Variants in GUCY2F observed in about 807,000 individuals in gnomAD.
GUCY2F encodes retinal guanylyl cyclase 2.
GUCY2F carries 61 observed loss-of-function variants against 73.1 expected under a neutral mutation model. The ratio of observed to expected loss-of-function variants is 0.83; its 90% CI spans 0.68 to 1.03. The LOEUF (loss-of-function observed/expected upper bound fraction) is 1.03. Ranked by LOEUF, GUCY2F falls within the 50% of genes least tolerant of loss-of-function variation. GUCY2F has a pLI of 0.00. For missense variants in GUCY2F, 912 were observed against 854.3 expected (o/e 1.07, Z -0.84); for synonymous variants, 331 against 307.8 (o/e 1.08, Z -0.79).
At chrX:109,401,310 T>A in intron 10 of GUCY2F, among the ~76,000 whole-genome samples, 1 of 111,727 alleles carries the variant, frequency 9.0e-6, no homozygotes, top group Non-Finnish European at 1.9e-5. Context: ...GTGATAGAAT[T>A]GACTTTGGAG....
chrX:109,422,500 T>C (rs1569364070), intron 8 of GUCY2F, among the ~76,000 whole-genome samples: 3 of 111,827 alleles, frequency 2.7e-5, no homozygotes, highest in African/African-American at 9.7e-5. Context: ...TTAACACTAC[T>C]TAACTGTACA....
At chrX:109,421,810 ACT>A (rs1345934188) in intron 8 of GUCY2F, among the ~76,000 whole-genome samples, 1 of 111,449 alleles carries the variant, frequency 9.0e-6, no homozygotes, top group African/African-American at 3.2e-5. Context: ...GTCAAAAAAA[ACT>A]CTTCTAAAAA....
chrX:109,449,689 A>C (rs1458476299), intron 5 of GUCY2F, among the ~76,000 whole-genome samples: 4 of 112,055 alleles, frequency 3.6e-5, no homozygotes, highest in African/African-American at 1.3e-4. Context: ...AGTTGTTTTG[A>C]AAATCAAATC....
intron 3 of GUCY2F, among the ~76,000 whole-genome samples, chrX:109,463,866 G>T (rs970034422): frequency 2.7e-5 from 3 of 112,167 alleles, no homozygotes; most frequent in African/African-American, 9.7e-5. Flanking sequence ...ACCAGCTCAT[G>T]AGGGCAAGCT....
chrX:109,466,148 G>A (rs975860453), intron 2 of GUCY2F, among the ~76,000 whole-genome samples: 1 of 111,580 alleles, frequency 9.0e-6, no homozygotes, highest in Non-Finnish European at 1.9e-5. Context: ...TTGAAGACCA[G>A]AGGTGCTTCA....
intron 7 of GUCY2F, among the ~76,000 whole-genome samples, chrX:109,436,957 A>G (rs1403630145): frequency 9.1e-6 from 1 of 109,669 alleles, no homozygotes; most frequent in African/African-American, 3.4e-5. Context: ...AAGAAAAAAG[A>G]AGAAAAAAAA....
chrX:109,432,245 G>A, intron 7 of GUCY2F, among the ~76,000 whole-genome samples: 1 of 111,733 alleles, frequency 8.9e-6, no homozygotes, highest in East Asian at 2.8e-4. Context: ...CGTATTTATG[G>A]AACTCTCCTC....
chrX:109,469,022 G>T (rs754838142), intron 2 of GUCY2F, among the ~76,000 whole-genome samples: 1 of 111,550 alleles, frequency 9.0e-6, no homozygotes, highest in Non-Finnish European at 1.9e-5. Flanking sequence ...ACAAGGCCTG[G>T]GTCAACAGGT....
In GUCY2F at chrX:109,475,624, G is replaced by A. The variant is rs775093662; in HGVS notation, c.313C>T (p.Gln105Ter). 2.5e-6 allele frequency: 3 copies of A among 1,207,974 alleles called. No individual in the cohort carries two copies. In the African/African-American group the frequency reaches 5.3e-5, roughly 21 times the overall value. The change falls in exon 2 of 20, where the codon CAG (glutamine) becomes TAG (stop). Residue 105 changes from glutamine (Q) to a stop codon, truncating the protein, a stop_gained. Coordinates refer to ENST00000218006, the MANE Select transcript of GUCY2F (RefSeq NM_001522.3). LOFTEE classifies it high-confidence loss of function. ...FEYVILNEDC[Q>*]TSRALSSFIS... is the part of the protein sequence containing the mutation. Reference sequence around the variant, plus strand: ...AAACTGGAGAGAGCCCTCGAAGTCTGGCAGTCTTCATTGAGAATCACGTAT... The same window carrying A: ...AAACTGGAGAGAGCCCTCGAAGTCTAGCAGTCTTCATTGAGAATCACGTAT...
intron 6 of GUCY2F, 62 bp downstream of exon 6, chrX:109,448,007 A>G: frequency 1.7e-6 from 1 of 586,039 alleles, no homozygotes; most frequent in Non-Finnish European, 2.9e-6. Flanking sequence ...GTGCTGAGTA[A>G]TTATTTGTGG....
At chrX:109,396,538 C>A (rs1484855413) in intron 11 of GUCY2F, among the ~76,000 whole-genome samples, 2 of 110,717 alleles carry the variant, frequency 1.8e-5, no homozygotes, top group East Asian at 5.7e-4. Flanking sequence ...GGCTCTTGTC[C>A]CTATCTCTTC....
chrX:109,438,943 C>A (rs1424848162), intron 7 of GUCY2F, among the ~76,000 whole-genome samples: 1 of 112,908 alleles, frequency 8.9e-6, no homozygotes, highest in African/African-American at 3.2e-5. Flanking sequence ...GGACTCTCTG[C>A]AGTGGCCCTG....
chrX:109,448,541 T>G (rs905772520), intron 5 of GUCY2F, among the ~76,000 whole-genome samples: 2 of 112,141 alleles, frequency 1.8e-5, no homozygotes, highest in African/African-American at 6.5e-5. Context: ...TATGCCATAG[T>G]ATTTATCCTA....
At chrX:109,406,314 C>A (rs1371153313) in intron 9 of GUCY2F, among the ~76,000 whole-genome samples, 3 of 111,528 alleles carry the variant, frequency 2.7e-5, no homozygotes, top group Non-Finnish European at 5.7e-5. Flanking sequence ...ATGTAAAGAC[C>A]TCTCACCTAG....
chrX:109,404,412 G>C lies in GUCY2F; in HGVS notation c.2041C>G (p.Arg681Gly). 8.5e-7 allele frequency: 1 copy of C among 1,181,956 alleles called. No individual in the cohort carries two copies. The highest frequency in any genetic ancestry group is 1.2e-6 in the Non-Finnish European group (1 of 868,745). ...TAATCTGTCACTTTTAGTACAAAAC[G>C]CCCATCTACCACACAGTTTCGAGAC... ...LKSRNCVVDG[R>G]FVLKVTDYGF... The change falls in exon 10 of 20, where the codon CGT becomes GGT. Residue 681 changes from arginine to glycine, a missense_variant. Coordinates refer to ENST00000218006, the MANE Select transcript of GUCY2F (RefSeq NM_001522.3).
At chrX:109,413,916 T>C (rs912100729) in intron 8 of GUCY2F, among the ~76,000 whole-genome samples, 1 of 111,135 alleles carries the variant, frequency 9.0e-6, no homozygotes, top group Non-Finnish European at 1.9e-5. Context: ...ATATCAGCAA[T>C]TGCTGTCTAT....
In GUCY2F at chrX:109,391,971, A is replaced by C. The variant is rs1368567606; in HGVS notation, c.2721T>G (p.Asp907Glu). ...AGAGTGTGTACAGGTCATTCAGAAG[A>C]TCCACGACCTCAATGGGCTCACTCA... ...SAMSEPIEVV[D>E]LLNDLYTLFD... Residue 907 changes from aspartate (D) to glutamate (E), a missense_variant, in exon 14 of 20, where the codon GAT (aspartate) becomes GAG (glutamate). Physicochemically the swap from Asp to Glu is conservative, Grantham distance 45. Transcript: ENST00000218006. 1 of 1,205,579 alleles carries C rather than the reference A, an allele frequency of 8.3e-7. No homozygotes were observed. Among genetic ancestry groups the C allele is most frequent in the African/African-American group, 1.8e-5 (1 of 56,945 alleles).
At chrX:109,449,910 GA>G (rs764636513) in intron 5 of GUCY2F, among the ~76,000 whole-genome samples, 10 of 109,956 alleles carry the variant, frequency 9.1e-5, no homozygotes, top group East Asian at 2.9e-4. Context: ...CTTTCTTTCT[GA>G]AAAAAAACTT....
At chrX:109,457,247 G>A (rs1413286579) in intron 3 of GUCY2F, among the ~76,000 whole-genome samples, 1 of 112,064 alleles carries the variant, frequency 8.9e-6, no homozygotes, top group Non-Finnish European at 1.9e-5. Flanking sequence ...AGTAATATAT[G>A]AATTTGTTCA....
Sources: gnomAD v4.1 joint callset for allele counts (sites outside exome capture counted in the v4.1 genomes callset) on GRCh38, gnomAD v4.1.1 for gene constraint, MANE v1.5 for transcripts, NCBI Gene and HGNC (gene_info 2026-07-23, HGNC 2026-07-21) for gene names.